RNF111: variants seen among roughly 807,000 people sequenced by gnomAD.
The protein encoded by RNF111 is E3 ubiquitin-protein ligase Arkadia.
RNF111 carries 17 observed loss-of-function variants against 95.1 expected under a neutral mutation model. The observed-to-expected ratio is 0.18, with a 90% CI of 0.12 to 0.27. The LOEUF (loss-of-function observed/expected upper bound fraction) is 0.27, where lower values mean the gene tolerates loss of function less well. Among genes scored for constraint, RNF111 ranks in the 10% least tolerant of loss-of-function variants. The pLI is 1.00. For synonymous variants in RNF111, 440 were observed against 414.8 expected, an observed-to-expected ratio of 1.06 and a Z score of -0.74; for missense variants, 1,189 against 1,210.4, an observed-to-expected ratio of 0.98 and a Z score of 0.26.
At chr15:59,093,103 T>G (rs564117286) in intron 13 of RNF111, among the ~76,000 whole-genome samples, 1 of 152,216 alleles carries the variant, frequency 6.6e-6, no homozygotes, top group East Asian at 1.9e-4. Flanking sequence ...ATCTGGCGAG[T>G]GAAACAATAA....
At chr15:58,992,080 C>T (rs938496616) in intron 1 of RNF111, among the ~76,000 whole-genome samples, 5 of 152,204 alleles carry the variant, frequency 3.3e-5, no homozygotes, top group Admixed American at 2.0e-4. Context: ...GAGTTTCCCT[C>T]GTTGCCCAAG....
chr15:59,006,861 A>T (rs2039563302), intron 1 of RNF111, among the ~76,000 whole-genome samples: 2 of 152,108 alleles, frequency 1.3e-5, no homozygotes, highest in Non-Finnish European at 2.9e-5. Context: ...ATCTTGGCTC[A>T]CTGCAACCTC....
At chr15:59,040,346 C>A (rs2041390354) in intron 2 of RNF111, among the ~76,000 whole-genome samples, 1 of 151,808 alleles carries the variant, frequency 6.6e-6, no homozygotes, top group South Asian at 2.1e-4. Flanking sequence ...CCAGTTTGGT[C>A]TCAAATTCCT....
At chr15:59,084,888 G>A (rs2078853423) in intron 9 of RNF111, among the ~76,000 whole-genome samples, 1 of 151,846 alleles carries the variant, frequency 6.6e-6, no homozygotes, top group Admixed American at 6.6e-5. Context: ...TGTTCTTCAG[G>A]GTTACTACCA....
chr15:59,030,635 G>A (rs934489610), intron 1 of RNF111, among the ~76,000 whole-genome samples, 169 bp from the exon 2 acceptor site: 3 of 151,948 alleles, frequency 2.0e-5, no homozygotes, highest in Non-Finnish European at 2.9e-5. Context: ...AGAGAAAAAC[G>A]TTTTATAAGA....
Position 59,091,088 on chromosome 15 carries a change from C to T in RNF111, c.2673C>T (p.Gly891=), listed in dbSNP as rs1410029253. 1.7e-5 allele frequency: 27 copies of T among 1,609,116 alleles called. No homozygotes were observed. Among genetic ancestry groups the T allele is most frequent in the Non-Finnish European group, 2.2e-5 (26 of 1,176,502 alleles). ...TGATTCATTTGGAAGAAAGATTAGG[C>T]AATGTCAATCGTGGAGCATCCCAGG... ...EELIHLEERL[G]NVNRGASQGT... Residue 891 remains glycine, a synonymous_variant, in exon 12 of 14, where the codon GGC becomes GGT. Transcript: ENST00000348370.
chr15:59,068,011 G>C (rs1485196011), intron 6 of RNF111, among the ~76,000 whole-genome samples: 1 of 152,108 alleles, frequency 6.6e-6, no homozygotes, highest in Non-Finnish European at 1.5e-5. Flanking sequence ...ATTAGTATTG[G>C]CAATCACGTG....
intron 1 of RNF111, among the ~76,000 whole-genome samples, chr15:59,016,273 G>A (rs765832194): frequency 2.6e-5 from 4 of 151,692 alleles, no homozygotes; most frequent in South Asian, 2.1e-4. Context: ...GGATTCAAGC[G>A]ATTCTCCTGC....
intron 2 of RNF111, among the ~76,000 whole-genome samples, chr15:59,050,727 C>T (rs1250783451): frequency 6.6e-6 from 1 of 152,160 alleles, no homozygotes. Context: ...AAATCCATCA[C>T]CTCCAAAAAT....
At chr15:59,004,247 T>C in intron 1 of RNF111, 1 of 437,706 alleles carries the variant, frequency 2.3e-6, no homozygotes, top group Non-Finnish European at 3.4e-6. Context: ...TCTCTCCCAA[T>C]TATCTTTACT....
At position 59,075,985 on chromosome 15, in the gene RNF111, G is replaced by A. The variant is rs751344693; in HGVS notation, c.1718G>A (p.Gly573Asp). The change falls in exon 7 of 14, where the codon GGT becomes GAT. Residue 573 changes from glycine to aspartate, a missense_variant. Around this residue, in one of 2 missense-constraint regions of RNF111, gnomAD observed 1,024 missense variants for 925.9 expected, o/e 1.11. Coordinates refer to ENST00000348370, the MANE Select transcript of RNF111 (RefSeq NM_017610.8). ...TTGCCAGTGGACCTGAGCAACAGTG[G>A]TATCAGAAGTCATGGAAGTGGCAGT... ...QALPVDLSNS[G>D]IRSHGSGSFH... 6.2e-7 allele frequency: 1 copy of A among 1,614,072 alleles called. No homozygotes were observed. Among genetic ancestry groups the A allele is most frequent in the Non-Finnish European group, 8.5e-7 (1 of 1,180,036 alleles).
At chr15:58,998,184 T>C (rs1313110037) in intron 1 of RNF111, among the ~76,000 whole-genome samples, 2 of 152,068 alleles carry the variant, frequency 1.3e-5, no homozygotes, top group African/African-American at 4.8e-5. Context: ...ATTACAGGCA[T>C]GAGCCACCGT....
At chr15:58,998,645 C>G (rs1034196191) in intron 1 of RNF111, among the ~76,000 whole-genome samples, 2 of 152,062 alleles carry the variant, frequency 1.3e-5, no homozygotes, top group Non-Finnish European at 2.9e-5. Flanking sequence ...CATATTTTCT[C>G]AAAAATAAAT....
intron 1 of RNF111, among the ~76,000 whole-genome samples, chr15:59,009,754 A>C (rs2039705062): frequency 6.6e-6 from 1 of 152,148 alleles, no homozygotes; most frequent in Non-Finnish European, 1.5e-5. Context: ...CAGGAGTTTG[A>C]GACCAGACTG....
At chr15:59,082,208 A>G (rs186604647) in intron 8 of RNF111, among the ~76,000 whole-genome samples, 399 of 152,346 alleles carry the variant, frequency 2.6e-3, no homozygotes, top group Non-Finnish European at 4.3e-3. Flanking sequence ...ATACCAGGTT[A>G]TTTAGTAAAA....
intron 6 of RNF111, among the ~76,000 whole-genome samples, chr15:59,073,396 G>A (rs1448511249): frequency 6.6e-6 from 1 of 151,762 alleles, no homozygotes; most frequent in African/African-American, 2.4e-5. Flanking sequence ...TAAGATAATT[G>A]CCTGAACCTG....
At position 59,079,972 on chromosome 15, in the gene RNF111, G is replaced by C. The variant is rs184991286; in HGVS notation, c.1949-964G>C. On this transcript the variant is annotated intron_variant, in intron 7 of 13. Transcript: ENST00000348370. ...TTACAAGTCAATAAGAAAAAGGTGA[G>C]TAATACAATAGGCTAAGCATGTAAA... 6.2e-3 allele frequency among the ~76,000 whole-genome samples: 942 copies of C among 152,196 alleles called. 4 individuals are homozygous for C. Among genetic ancestry groups the C allele is most frequent in the Non-Finnish European group, 0.011 (749 of 68,006 alleles).
At chr15:59,080,776 G>T (rs1234078040) in intron 7 of RNF111, among the ~76,000 whole-genome samples, 160 bp from the exon 8 acceptor site, 2 of 152,040 alleles carry the variant, frequency 1.3e-5, no homozygotes, top group African/African-American at 4.8e-5. Context: ...TTGTAAGAAG[G>T]GAGCAAGTTG....
chr15:59,079,583 G>C (rs1457839054), intron 7 of RNF111, among the ~76,000 whole-genome samples: 2 of 151,990 alleles, frequency 1.3e-5, no homozygotes, highest in African/African-American at 4.8e-5. Context: ...CTAGAGAATG[G>C]CTGTTGGTCT....
Sources: gnomAD v4.1 joint callset for allele counts (sites outside exome capture counted in the v4.1 genomes callset) on GRCh38, gnomAD v4.1.1 for gene constraint, gnomAD v4.1.1 regional missense constraint, MANE v1.5 for transcripts, NCBI Gene and HGNC (gene_info 2026-07-23, HGNC 2026-07-21) for gene names.